DPY19L1: variants seen among roughly 807,000 people sequenced by gnomAD.
DPY19L1 encodes the protein dpy-19 like C-mannosyltransferase 1, also known as protein C-mannosyl-transferase DPY19L1.
A neutral mutation model predicts 96.9 loss-of-function variants in DPY19L1; 35 were observed. That is an observed-to-expected ratio of 0.36 (90% CI 0.28 to 0.48). DPY19L1 has a LOEUF of 0.48. DPY19L1 is among the 20% of genes least tolerant of loss of function. DPY19L1 has a pLI of 0.99. For synonymous variants in DPY19L1, 205 were observed against 252.6 expected (o/e 0.81, Z 1.79); for missense variants, 521 against 777.9 (o/e 0.67, Z 3.93).
intron 21 of DPY19L1, 73 bp from the exon 22 acceptor site, chr7:34,931,802 C>T: frequency 6.7e-7 from 1 of 1,488,912 alleles, no homozygotes. Flanking sequence ...GCACTTCTTA[C>T]ATTCCTGACC....
At chr7:34,943,110 C>A (rs145557927) in intron 16 of DPY19L1, among the ~76,000 whole-genome samples, 4 of 152,266 alleles carry the variant, frequency 2.6e-5, no homozygotes, top group African/African-American at 9.6e-5. Flanking sequence ...TTCCCAAGAC[C>A]TAGAGTAATA....
chr7:34,949,676 ATT>A, intron 14 of DPY19L1, 119 bp downstream of exon 14: 1 of 641,226 alleles, frequency 1.6e-6, no homozygotes, highest in Admixed American at 3.6e-5. Context: ...AAGCTGCCAG[ATT>A]TTCCTTTTCC....
chr7:34,967,148 T>C (rs1467746246), intron 9 of DPY19L1, among the ~76,000 whole-genome samples, 177 bp from the exon 10 acceptor site: 1 of 152,152 alleles, frequency 6.6e-6, no homozygotes, highest in Admixed American at 6.5e-5. Context: ...ATAGAAAATA[T>C]TGGTTGATTT....
intron 7 of DPY19L1, among the ~76,000 whole-genome samples, chr7:34,976,943 C>A (rs1283226461): frequency 7.0e-6 from 1 of 142,090 alleles, no homozygotes; most frequent in African/African-American, 2.5e-5. Context: ...ACTACCACAC[C>A]CAGCTAATTT....
intron 21 of DPY19L1, among the ~76,000 whole-genome samples, chr7:34,935,493 A>T (rs3906287): frequency 1.8e-4 from 27 of 152,350 alleles, no homozygotes; most frequent in African/African-American, 6.3e-4. Flanking sequence ...ATATTTAAAC[A>T]CAGTGTCAAA....
At chr7:34,957,810 T>G (rs1649229) in intron 11 of DPY19L1, among the ~76,000 whole-genome samples, 174 bp downstream of exon 11, 5,712 of 99,226 alleles carry the variant, frequency 0.058, 212 homozygotes, top group African/African-American at 0.13. Flanking sequence ...TTTTTCCTTG[T>G]TTTTTTTTTC....
At chr7:35,018,475 G>T in intron 2 of DPY19L1, 97 bp downstream of exon 2, 3 of 1,111,768 alleles carry the variant, frequency 2.7e-6, no homozygotes, top group South Asian at 1.4e-5. Flanking sequence ...TATTCATACT[G>T]ATCATGCTGA....
Position 34,929,573 on chromosome 7 carries a change from A to G in DPY19L1, c.*2000T>C, listed in dbSNP as rs1317137399. ...TGGGGGTGAGAAAAATATAAAATAA[A>G]TGTAAAAGTATAATTTTTAAAAATT... On this transcript the variant is annotated 3_prime_UTR_variant, in exon 22 of 22. Coordinates refer to ENST00000638088, the MANE Select transcript of DPY19L1 (RefSeq NM_001366673.1). The G allele has an allele frequency of 1.3e-5, 2 of 152,206 alleles. No individual in the cohort carries two copies. The allele number at this position is 152,206 out of a possible 1,614,324, so 9.4% of individuals were successfully genotyped here.
chr7:34,971,417 A>G (rs954312722), intron 8 of DPY19L1, among the ~76,000 whole-genome samples: 4 of 152,300 alleles, frequency 2.6e-5, no homozygotes, highest in Middle Eastern at 6.8e-3. Context: ...GGGAGCCATG[A>G]CAACTAAGGG....
Position 34,940,136 on chromosome 7 carries a change from C to CTTTT in DPY19L1, c.1864+13_1864+16dup. On this transcript the variant is annotated intron_variant, in intron 19 of 21. Coordinates refer to ENST00000638088, the MANE Select transcript of DPY19L1 (RefSeq NM_001366673.1). ...AGCTAAATAATATGACTTTTTTTTT[C>CTTTT]TTTTTTTTTTTTTTACCTGGTTTAG... The CTTTT allele has an allele frequency of 3.2e-6, 4 of 1,258,190 alleles. No homozygotes were observed. Among genetic ancestry groups the CTTTT allele is most frequent in the East Asian group, 2.9e-5 (1 of 33,978 alleles). 77.9% of individuals were successfully genotyped at this position (1,258,190 alleles called of 1,614,324 possible).
At chr7:34,934,710 A>C (rs1783829816) in intron 21 of DPY19L1, among the ~76,000 whole-genome samples, 1 of 152,180 alleles carries the variant, frequency 6.6e-6, no homozygotes, top group Non-Finnish European at 1.5e-5. Flanking sequence ...CACGTACCCT[A>C]GATCCCCCGC....
At chr7:34,993,038 C>T (rs765655413) in intron 6 of DPY19L1, among the ~76,000 whole-genome samples, 40 of 152,188 alleles carry the variant, frequency 2.6e-4, no homozygotes, top group Admixed American at 1.0e-3. Context: ...CTTGAATAAA[C>T]GCTATTTAGA....
intron 7 of DPY19L1, among the ~76,000 whole-genome samples, chr7:34,974,629 T>G (rs1327594222): frequency 1.3e-5 from 2 of 152,202 alleles, no homozygotes; most frequent in African/African-American, 2.4e-5. Flanking sequence ...GTTACTAGAA[T>G]GCAATTTTTA....
intron 6 of DPY19L1, among the ~76,000 whole-genome samples, chr7:34,991,945 C>T (rs1330019148): frequency 2.0e-5 from 3 of 152,112 alleles, no homozygotes; most frequent in Admixed American, 2.0e-4. Context: ...TATTACCGGG[C>T]ATATAAATAT....
rs892441492 is a variant in DPY19L1 at position 34,930,025 on chromosome 7, C to G, written c.*1548G>C. The G allele has an allele frequency of 6.6e-6, 1 of 152,252 alleles. No homozygotes were observed. The highest frequency in any genetic ancestry group is 1.5e-5 in the Non-Finnish European group (1 of 68,112). 9.4% of individuals were successfully genotyped at this position (152,252 alleles called of 1,614,324 possible). On this transcript the variant is annotated 3_prime_UTR_variant, in exon 22 of 22. Transcript: ENST00000638088. ...ACTTATGTCAGCAAGCTGCTGCTTC[C>G]CCGGGACCAGGCCTGCCCTTGGGCT...
chr7:35,037,752 C>T (rs1326693004), upstream of DPY19L1: 4 of 1,063,498 alleles, frequency 3.8e-6, no homozygotes, highest in East Asian at 9.9e-5. Flanking sequence ...CCAGGCCGGC[C>T]AGCGCGCACG....
At chr7:35,022,606 G>GT (rs1317464207) in intron 1 of DPY19L1, among the ~76,000 whole-genome samples, 18 of 152,330 alleles carry the variant, frequency 1.2e-4, no homozygotes, top group South Asian at 1.0e-3. Flanking sequence ...CTCCCTGAGG[G>GT]TAGAAACAAC....
intron 1 of DPY19L1, among the ~76,000 whole-genome samples, chr7:35,020,795 G>A (rs1169489847): frequency 3.9e-5 from 6 of 151,990 alleles, no homozygotes; most frequent in Non-Finnish European, 8.8e-5. Flanking sequence ...TGCAACCTCC[G>A]CCTCCTGGTT....
At chr7:34,960,226 T>A (rs1269404331) in intron 10 of DPY19L1, among the ~76,000 whole-genome samples, 4 of 151,778 alleles carry the variant, frequency 2.6e-5, no homozygotes, top group Non-Finnish European at 5.9e-5. Flanking sequence ...AAATTTTAAT[T>A]AAAATTACTT....
Sources: allele counts gnomAD v4.1 joint callset (sites outside exome capture counted in the v4.1 genomes callset), GRCh38; gene constraint gnomAD v4.1.1; transcripts MANE v1.5; gene names NCBI Gene and HGNC (gene_info 2026-07-23, HGNC 2026-07-21).